The following ASB2 variants were observed in gnomAD, a reference collection of about 807,000 sequenced individuals.
The protein encoded by ASB2 is ankyrin repeat and SOCS box protein 2.
ASB2 carries 58 observed loss-of-function variants against 62.4 expected under a neutral mutation model. The ratio of observed to expected loss-of-function variants is 0.93; its 90% CI spans 0.75 to 1.16. The LOEUF (loss-of-function observed/expected upper bound fraction) is 1.16. Among genes scored for constraint, ASB2 ranks in the 50% most tolerant of loss-of-function variants. The pLI, the probability that ASB2 is intolerant of heterozygous loss-of-function variation, is 0.00. For missense variants in ASB2, 928 were observed against 887.9 expected, an observed-to-expected ratio of 1.05 and a Z score of -0.57; for synonymous variants, 386 against 385.3, an observed-to-expected ratio of 1.00 and a Z score of -0.02.
In ASB2 at chr14:93,964,526, A is replaced by G; in HGVS notation, c.14T>C (p.Ile5Thr). MATQ[I>T]STRGSQCTIG... is the part of the protein sequence containing the mutation. ...GGTACACTGGCTGCCCCGAGTGCTG[A>G]TCTGCGTGGCCATCCTCCTCCACCT... Residue 5 changes from isoleucine to threonine, a missense_variant, in exon 2 of 10, where the codon ATC becomes ACC. By Grantham distance (89) the Ile-to-Thr change is moderately conservative. Transcript: ENST00000555019. The G allele has an allele frequency of 6.5e-7, 1 of 1,536,078 alleles. No homozygotes were observed. The highest frequency in any genetic ancestry group is 8.7e-7 in the Non-Finnish European group (1 of 1,146,892).
At chr14:93,943,913 G>A in intron 7 of ASB2, 1 of 451,892 alleles carries the variant, frequency 2.2e-6, no homozygotes, top group Non-Finnish European at 4.4e-6. Context: ...GGCTTGCAAA[G>A]ATTGATAAAA....
rs1189201984 is a variant in ASB2, at chr14:93,936,444, G to C, written c.1771+1254C>G. Among the ~76,000 whole-genome samples, 3 of 152,200 alleles carry C rather than the reference G, an allele frequency of 2.0e-5. No homozygotes were observed. The East Asian group carries it at 5.8e-4, about 29-fold the overall frequency. ...TAGGACTGATACCTAGGCATAGACT[G>C]CTCCACCCTCTAGTGGCCAAGGATC... is the stretch of plus-strand genomic sequence containing the variant. On this transcript the variant is annotated intron_variant, in intron 9 of 9. Coordinates refer to ENST00000555019, the MANE Select transcript of ASB2 (RefSeq NM_001202429.2).
chr14:93,964,697 T>C, intron 1 of ASB2, 85 bp from the exon 2 acceptor site: 1 of 661,468 alleles, frequency 1.5e-6, no homozygotes, highest in Non-Finnish European at 2.7e-6. Flanking sequence ...TGCATTTCAC[T>C]GACAGTAACA....
At chr14:93,955,903 A>T (rs1889177946) in intron 3 of ASB2, among the ~76,000 whole-genome samples, 1 of 152,212 alleles carries the variant, frequency 6.6e-6, no homozygotes, top group East Asian at 1.9e-4. Context: ...TCAGGCAGTC[A>T]TGCAGGAGGT....
intron 1 of ASB2, among the ~76,000 whole-genome samples, chr14:93,969,100 G>A (rs1889679066): frequency 6.6e-6 from 1 of 152,236 alleles, no homozygotes; most frequent in Non-Finnish European, 1.5e-5. Context: ...ATTAGCCAGT[G>A]TTATTATGGG....
intron 3 of ASB2, chr14:93,955,147 C>T (rs1889135697): frequency 4.4e-6 from 2 of 456,604 alleles, no homozygotes; most frequent in Admixed American, 4.7e-5. Context: ...GATGTCTATG[C>T]CTCTCAGATC....
intron 2 of ASB2, among the ~76,000 whole-genome samples, chr14:93,959,427 C>T (rs557256367): frequency 6.6e-6 from 1 of 152,300 alleles, no homozygotes; most frequent in East Asian, 1.9e-4. Context: ...TCGTGAGTCT[C>T]AGGGCTGGCT....
Position 93,964,373 on chromosome 14 carries a change from CA to C in ASB2, c.166del (p.Cys56ValfsTer54). On this transcript the variant is annotated frameshift_variant, in exon 2 of 10. Transcript: ENST00000555019. LOFTEE classifies it high-confidence loss of function. ...GAAATGGGCAGGTTGGCGGTTGGTA[CA>C]TGCAGACGCGGTGGCCTCAGCAGTG... is the stretch of plus-strand genomic sequence containing the variant. ...PTTAEATASA[C>X]TNRQPAHFYP... The C allele has an allele frequency of 6.5e-7, 1 of 1,536,182 alleles. No individual in the cohort carries two copies. Among genetic ancestry groups the C allele is most frequent in the Non-Finnish European group, 8.7e-7 (1 of 1,146,918 alleles).
chr14:93,964,669 T>G, intron 1 of ASB2, 57 bp from the exon 2 acceptor site: 1 of 782,056 alleles, frequency 1.3e-6, no homozygotes, highest in Non-Finnish European at 2.1e-6. Flanking sequence ...TAGCTATATT[T>G]ACCCTCAGGG....
chr14:93,946,912 C>A (rs766399734), intron 7 of ASB2, among the ~76,000 whole-genome samples: 1 of 152,134 alleles, frequency 6.6e-6, no homozygotes, highest in Non-Finnish European at 1.5e-5. Context: ...CTCATATCTG[C>A]CCCCCAGGAT....
Position 93,964,485 on chromosome 14 carries a change from ACTC to A in ASB2, c.52_54del (p.Glu18del), listed in dbSNP as rs1432759919. On this transcript the variant is annotated inframe_deletion, in exon 2 of 10. Transcript: ENST00000555019. The stretch of plus-strand genomic sequence containing the variant: ...TCGCTCAGGCTGCTGTACAGGCTGT[ACTC>A]CTCCTGCCCAATGGTACACTGGCTG... The A allele has an allele frequency of 2.0e-6, 3 of 1,535,628 alleles. No homozygotes were observed. The highest frequency in any genetic ancestry group is 2.6e-6 in the Non-Finnish European group (3 of 1,146,824).
intron 2 of ASB2, among the ~76,000 whole-genome samples, chr14:93,957,613 CTGAG>C (rs1287219454): frequency 6.6e-6 from 1 of 152,140 alleles, no homozygotes; most frequent in African/African-American, 2.4e-5. Context: ...CCGGTGAGGC[CTGAG>C]TAAGTGAATG....
At position 93,947,995 on chromosome 14, in the gene ASB2, GA is replaced by G. The variant is rs55666799; in HGVS notation, c.881-476del. Among the ~76,000 whole-genome samples, 133 of 72,482 alleles carry G rather than the reference GA, an allele frequency of 1.8e-3. 1 individual carries two copies. The highest frequency in any genetic ancestry group is 0.016 in the Admixed American group (88 of 5,528). The allele number at this position is 72,482 out of a possible 152,430, so 47.6% of individuals were successfully genotyped here. On this transcript the variant is annotated intron_variant, in intron 6 of 9. Transcript: ENST00000555019. Reference sequence around the variant, plus strand: ...GGCAACAAGAGTGAAACTCCGCCTGGAAAAAAAAAAAAAAAAAAAAAAAGAC... The same window carrying G: ...GGCAACAAGAGTGAAACTCCGCCTGGAAAAAAAAAAAAAAAAAAAAAAGAC...
chr14:93,956,546 G>A (rs1889214463), intron 3 of ASB2, among the ~76,000 whole-genome samples: 1 of 152,210 alleles, frequency 6.6e-6, no homozygotes, highest in Non-Finnish European at 1.5e-5. Context: ...AGCATGCCTG[G>A]CTGGAAGTTC....
intron 2 of ASB2, among the ~76,000 whole-genome samples, chr14:93,961,563 C>T (rs139991483): frequency 3.9e-5 from 6 of 152,234 alleles, no homozygotes; most frequent in Admixed American, 1.3e-4. Context: ...CCAGCTGGCC[C>T]GGGAGAGTGG....
At position 93,956,868 on chromosome 14, in the gene ASB2, G is replaced by C. The variant is rs370020819; in HGVS notation, c.209C>G (p.Ser70Cys). 9 of 1,614,200 alleles carry C rather than the reference G, an allele frequency of 5.6e-6. No individual in the cohort carries two copies. Among genetic ancestry groups the C allele is most frequent in the Non-Finnish European group, 7.6e-6 (9 of 1,180,022 alleles). ...CGGCGAACTCTCAGGAGGTGCAGTG[G>C]ACCTGGAGGGTGCAGAGCAGGAGTG... ...QPAHFYPWTR[S>C]TAPPESSPAR... Residue 70 changes from serine (S) to cysteine (C), a missense_variant and splice_region_variant, in exon 3 of 10, where the codon TCC (serine) becomes TGC (cysteine). By Grantham distance (112) the Ser-to-Cys change is moderately radical. Transcript: ENST00000555019.
chr14:93,966,019 C>T (rs766706589), intron 1 of ASB2, among the ~76,000 whole-genome samples: 5 of 152,226 alleles, frequency 3.3e-5, no homozygotes, highest in South Asian at 2.1e-4. Context: ...TCTGGGAAGC[C>T]GACCCAGATC....
At chr14:93,966,824 G>A (rs1022802754) in intron 1 of ASB2, among the ~76,000 whole-genome samples, 1 of 152,176 alleles carries the variant, frequency 6.6e-6, no homozygotes, top group Non-Finnish European at 1.5e-5. Context: ...GGGACCCAGG[G>A]AATGCAATGC....
rs1378766390 is a variant in ASB2 at position 93,939,558 on chromosome 14, C to CA, written c.1166dup (p.Ser390GlufsTer153). On this transcript the variant is annotated frameshift_variant, in exon 8 of 10. Transcript: ENST00000555019. LOFTEE classifies it high-confidence loss of function. Reference sequence around the variant, plus strand: ...GCGTGTTCACGTCGAAGCGCGCGCTCAGCAGCGCCTCCAGCACCTCGTCGT... The same window carrying CA: ...GCGTGTTCACGTCGAAGCGCGCGCTCAAGCAGCGCCTCCAGCACCTCGTCGT... 6.3e-7 allele frequency: 1 copy of CA among 1,595,062 alleles called. No homozygotes were observed. Among genetic ancestry groups the CA allele is most frequent in the Non-Finnish European group, 8.5e-7 (1 of 1,173,098 alleles).
Sources: gnomAD v4.1 joint callset for allele counts (sites outside exome capture counted in the v4.1 genomes callset) on GRCh38, gnomAD v4.1.1 for gene constraint, MANE v1.5 for transcripts, NCBI Gene and HGNC (gene_info 2026-07-23, HGNC 2026-07-21) for gene names.